PDE4D: variants seen among roughly 807,000 people sequenced by gnomAD.
PDE4D encodes the protein 3',5'-cyclic-AMP phosphodiesterase 4D.
In PDE4D, 24 loss-of-function variants were observed where a neutral mutation model predicts 87.4. The observed-to-expected ratio is 0.27, with a 90% CI of 0.20 to 0.39. PDE4D has a LOEUF of 0.39. Among genes scored for constraint, PDE4D ranks in the 10% least tolerant of loss-of-function variants. The pLI, the probability that PDE4D is intolerant of heterozygous loss-of-function variation, is 1.00. For missense variants in PDE4D, 714 were observed against 1,041.0 expected (o/e 0.69, Z 4.32); for synonymous variants, 384 against 383.2 (o/e 1.00, Z -0.02).
At chr5:59,435,200 A>G (rs1485513834) in intron 1 of PDE4D, among the ~76,000 whole-genome samples, 1 of 152,050 alleles carries the variant, frequency 6.6e-6, no homozygotes, top group Admixed American at 6.6e-5. Context: ...CTTACCTACC[A>G]AGATTATCTT....
At chr5:59,983,658 C>A (rs1437260663) in intron 3 of PDE4D, among the ~76,000 whole-genome samples, 2 of 152,104 alleles carry the variant, frequency 1.3e-5, no homozygotes, top group East Asian at 3.9e-4. Context: ...CAGTAGTATA[C>A]CACTACACAT....
At chr5:60,377,715 G>T (rs1003675197) in intron 1 of PDE4D, among the ~76,000 whole-genome samples, 1 of 152,038 alleles carries the variant, frequency 6.6e-6, no homozygotes, top group African/African-American at 2.4e-5. Context: ...ATTACTCCCC[G>T]TTAAAGGCTT....
At chr5:59,073,516 C>T (rs868397867) in intron 5 of PDE4D, among the ~76,000 whole-genome samples, 9 of 14,404 alleles carry the variant, frequency 6.2e-4, no homozygotes, top group African/African-American at 2.6e-3. Context: ...GCGGGGGGGG[C>T]GGGTGGTTGG....
chr5:59,802,476 G>A (rs907788951), intron 1 of PDE4D, among the ~76,000 whole-genome samples: 25 of 142,500 alleles, frequency 1.8e-4, no homozygotes, highest in Non-Finnish European at 1.5e-5. Context: ...TCAGCTCACT[G>A]CAACCTCTAC....
chr5:59,185,754 A>G (rs1000640892), intron 3 of PDE4D, among the ~76,000 whole-genome samples: 10 of 152,190 alleles, frequency 6.6e-5, no homozygotes, highest in African/African-American at 2.4e-4. Context: ...CTAGCTAGTA[A>G]GCAGACATTG....
intron 6 of PDE4D, among the ~76,000 whole-genome samples, chr5:59,025,516 C>T (rs1756053053): frequency 6.6e-6 from 1 of 152,088 alleles, no homozygotes; most frequent in Non-Finnish European, 1.5e-5. Flanking sequence ...TTCCTAATTT[C>T]CCACTATAGT....
At chr5:59,416,893 T>C (rs1286333191) in intron 1 of PDE4D, among the ~76,000 whole-genome samples, 1 of 152,198 alleles carries the variant, frequency 6.6e-6, no homozygotes, top group Non-Finnish European at 1.5e-5. Flanking sequence ...GAAATGCTAA[T>C]AAAATTATAT....
intron 1 of PDE4D, among the ~76,000 whole-genome samples, chr5:59,808,748 A>T (rs1216728455): frequency 6.6e-6 from 1 of 152,166 alleles, no homozygotes. Flanking sequence ...AAGACTGATT[A>T]TGAATATAAC....
chr5:59,730,054 T>G (rs1483635997), intron 1 of PDE4D, among the ~76,000 whole-genome samples: 2 of 152,056 alleles, frequency 1.3e-5, no homozygotes. Context: ...CTCAACAGAC[T>G]ATGGAATGAG....
rs145157614 is a variant in PDE4D at position 59,820,409 on chromosome 5, A to T, written c.455+72759T>A. Among the ~76,000 whole-genome samples, 336 of 152,290 alleles carry T rather than the reference A, an allele frequency of 2.2e-3. 1 individual carries two copies. The highest frequency in any genetic ancestry group is 7.7e-3 in the African/African-American group (319 of 41,568). On this transcript the variant is annotated intron_variant, in intron 1 of 14. Transcript: ENST00000340635. ...TTGCTGAACTTCAGATGCTTTTATC[A>T]TTTTCCTTACAATTCTCTCCTATTT...
chr5:59,282,512 G>A (rs1332308227), intron 1 of PDE4D, among the ~76,000 whole-genome samples: 2 of 151,530 alleles, frequency 1.3e-5, no homozygotes, highest in African/African-American at 2.4e-5. Flanking sequence ...GTGTGGTGGC[G>A]AGCACCTGTA....
intron 1 of PDE4D, among the ~76,000 whole-genome samples, chr5:59,538,940 T>G (rs1815783069): frequency 6.6e-6 from 1 of 152,188 alleles, no homozygotes; most frequent in South Asian, 2.1e-4. Context: ...GTCCATCATC[T>G]TGCTAATTTC....
Position 59,988,602 on chromosome 5 carries a change from AAGGCGAG to A in PDE4D, c.151_157del (p.Leu51SerfsTer9). The A allele has an allele frequency of 6.3e-7, 1 of 1,599,366 alleles. No individual in the cohort carries two copies. The highest frequency in any genetic ancestry group is 2.2e-5 in the East Asian group (1 of 44,882). On this transcript the variant is annotated frameshift_variant, in exon 3 of 17. Coordinates refer to the PDE4D transcript ENST00000502484. LOFTEE classifies it high-confidence loss of function. ...CAAGTCAGCTTGTTCCAACTGTCTG[AAGGCGAG>A]AGGGGGAAGCTGAATATTGCGACAT...
intron 2 of PDE4D, among the ~76,000 whole-genome samples, chr5:60,088,187 A>T (rs1423642921): frequency 6.6e-6 from 1 of 152,024 alleles, no homozygotes; most frequent in Non-Finnish European, 1.5e-5. Flanking sequence ...AGAGATAAAA[A>T]ACTTTCTCAG....
chr5:60,104,030 C>G (rs1235876235), intron 2 of PDE4D, among the ~76,000 whole-genome samples: 2 of 151,934 alleles, frequency 1.3e-5, no homozygotes, highest in African/African-American at 2.4e-5. Flanking sequence ...GTGCAGCACA[C>G]TGTGTGCGAG....
intron 1 of PDE4D, among the ~76,000 whole-genome samples, chr5:60,514,960 C>T (rs1406444762): frequency 6.6e-6 from 1 of 152,030 alleles, no homozygotes; most frequent in Non-Finnish European, 1.5e-5. Flanking sequence ...GAAGTGTTTC[C>T]ATTAACCACA....
intron 1 of PDE4D, among the ~76,000 whole-genome samples, chr5:60,508,194 C>T (rs1388686069): frequency 6.6e-6 from 1 of 152,160 alleles, no homozygotes; most frequent in Admixed American, 6.5e-5. Flanking sequence ...TTTTGTGAAC[C>T]TACGTTGGGT....
At chr5:59,422,062 A>G (rs997442776) in intron 1 of PDE4D, among the ~76,000 whole-genome samples, 1 of 152,166 alleles carries the variant, frequency 6.6e-6, no homozygotes, top group African/African-American at 2.4e-5. Context: ...AAAAGGAGAC[A>G]AGAACCCAGT....
chr5:59,118,824 A>G (rs1401172432), intron 5 of PDE4D, among the ~76,000 whole-genome samples: 3 of 152,226 alleles, frequency 2.0e-5, no homozygotes, highest in African/African-American at 7.2e-5. Context: ...AAGTCTTCAC[A>G]GTTGTTCTGT....
Sources: gnomAD v4.1 joint callset for allele counts (sites outside exome capture counted in the v4.1 genomes callset) on GRCh38, gnomAD v4.1.1 for gene constraint, MANE v1.5 for transcripts, NCBI Gene and HGNC (gene_info 2026-07-23, HGNC 2026-07-21) for gene names.